The following RGS6 variants were observed in gnomAD, a reference collection of about 807,000 sequenced individuals.
RGS6 encodes the protein regulator of G-protein signaling 6.
In RGS6, 30 loss-of-function variants were observed where a neutral mutation model predicts 78.5. The observed-to-expected ratio is 0.38, with a 90% CI of 0.29 to 0.52. RGS6 has a LOEUF of 0.52. RGS6 is among the 20% of genes least tolerant of loss of function. The probability of loss-of-function intolerance (pLI) is 0.85; values close to 1 mark genes in which losing one functional copy is unlikely to be tolerated. For missense variants in RGS6, 495 were observed against 609.7 expected, an observed-to-expected ratio of 0.81 and a Z score of 1.98; for synonymous variants, 206 against 206.0, an observed-to-expected ratio of 1.00 and a Z score of 0.00.
At chr14:72,328,825 T>G (rs2074360746) in intron 2 of RGS6, among the ~76,000 whole-genome samples, 2 of 152,240 alleles carry the variant, frequency 1.3e-5, no homozygotes, top group African/African-American at 4.8e-5. Flanking sequence ...GAGAAAAATG[T>G]GAAATATATA....
chr14:72,048,508 G>A (rs994332231), intron 2 of RGS6, among the ~76,000 whole-genome samples: 2 of 152,026 alleles, frequency 1.3e-5, no homozygotes, highest in African/African-American at 4.8e-5. Flanking sequence ...GACTTTTCTG[G>A]GCTGATTTTC....
chr14:71,876,002 C>T, the RGS6 span, among the ~76,000 whole-genome samples: 1 of 152,186 alleles, frequency 6.6e-6, no homozygotes. Context: ...GCACTGTGGT[C>T]TGAGAGACAA....
At chr14:72,216,285 C>T (rs1208938204) in intron 2 of RGS6, among the ~76,000 whole-genome samples, 2 of 152,194 alleles carry the variant, frequency 1.3e-5, no homozygotes, top group Non-Finnish European at 2.9e-5. Flanking sequence ...TCTAGCCAAC[C>T]TTGCTGGATG....
At chr14:72,534,932 T>C (rs2097228466) in intron 15 of RGS6, among the ~76,000 whole-genome samples, 1 of 152,164 alleles carries the variant, frequency 6.6e-6, no homozygotes. Flanking sequence ...TGGGGGAAGA[T>C]GCTTCCTCCA....
At chr14:71,927,022 A>G in the RGS6 span, among the ~76,000 whole-genome samples, 1 of 152,312 alleles carries the variant, frequency 6.6e-6, no homozygotes, top group East Asian at 1.9e-4. Flanking sequence ...TTTTCAAGTC[A>G]TATTACATGT....
intron 2 of RGS6, among the ~76,000 whole-genome samples, chr14:72,153,308 C>T (rs1456027005): frequency 6.6e-6 from 1 of 152,152 alleles, no homozygotes; most frequent in African/African-American, 2.4e-5. Flanking sequence ...ATCTGGTGAC[C>T]ACAGAGTTTA....
chr14:71,874,418 T>C, the RGS6 span, among the ~76,000 whole-genome samples: 1 of 152,084 alleles, frequency 6.6e-6, no homozygotes, highest in Non-Finnish European at 1.5e-5. Context: ...TGAATGGGAG[T>C]TCACTCATGA....
chr14:72,483,762 TAGACCA>T (rs1339151444), intron 12 of RGS6, among the ~76,000 whole-genome samples: 2 of 152,050 alleles, frequency 1.3e-5, no homozygotes, highest in African/African-American at 4.8e-5. Flanking sequence ...TGACTGTATC[TAGACCA>T]AGATATGGAA....
intron 2 of RGS6, among the ~76,000 whole-genome samples, chr14:72,152,241 AGAGAGTGTGT>A (rs1567322686): frequency 1.7e-5 from 2 of 118,770 alleles, no homozygotes; most frequent in African/African-American, 2.8e-5. Context: ...AGAGAGAGAG[AGAGAGTGTGT>A]GTGTGTGTGT....
At chr14:72,416,908 G>A (rs1400293417) in intron 3 of RGS6, among the ~76,000 whole-genome samples, 1 of 152,150 alleles carries the variant, frequency 6.6e-6, no homozygotes, top group Non-Finnish European at 1.5e-5. Flanking sequence ...CTATAACCAT[G>A]GCATGAGGAT....
intron 2 of RGS6, among the ~76,000 whole-genome samples, chr14:71,985,582 T>C (rs2094674917): frequency 6.6e-6 from 1 of 152,224 alleles, no homozygotes; most frequent in Non-Finnish European, 1.5e-5. Flanking sequence ...AAGGTCAATA[T>C]TGATTTTGGC....
rs565668591 is a variant in RGS6 at position 71,984,368 on chromosome 14, G to C, written c.84+19493G>C. 2.7e-5 allele frequency among the ~76,000 whole-genome samples: 4 copies of C among 150,840 alleles called. No homozygotes were observed. In the South Asian group the frequency reaches 8.4e-4, roughly 32 times the overall value. Reference sequence around the variant, plus strand: ...CATAAGAGAGTTAGTGTGAGAGCTGGGTGTGGTGGCTTGCATCTGTAGTCC... The same window carrying C: ...CATAAGAGAGTTAGTGTGAGAGCTGCGTGTGGTGGCTTGCATCTGTAGTCC... On this transcript the variant is annotated intron_variant, in intron 2 of 17. Coordinates refer to ENST00000553525, the MANE Select transcript of RGS6 (RefSeq NM_001204424.2).
intron 2 of RGS6, among the ~76,000 whole-genome samples, chr14:72,093,814 T>G (rs1163442719): frequency 6.6e-6 from 1 of 152,100 alleles, no homozygotes; most frequent in African/African-American, 2.4e-5. Context: ...AGAGGAATTT[T>G]GGGGTTTCAA....
intron 3 of RGS6, among the ~76,000 whole-genome samples, chr14:72,371,481 G>A (rs1249592281): frequency 6.6e-6 from 1 of 152,136 alleles, no homozygotes; most frequent in African/African-American, 2.4e-5. Flanking sequence ...AAAATTCTGG[G>A]CCGGGCATGG....
At chr14:72,626,925 CTT>C in the RGS6 span, among the ~76,000 whole-genome samples, 13 of 139,678 alleles carry the variant, frequency 9.3e-5, no homozygotes, top group Non-Finnish European at 6.3e-5. Context: ...TGCATTTGAA[CTT>C]TTTTTTTTTT....
At chr14:71,903,156 G>C in the RGS6 span, among the ~76,000 whole-genome samples, 1 of 152,216 alleles carries the variant, frequency 6.6e-6, no homozygotes, top group Middle Eastern at 3.2e-3. Flanking sequence ...TAAAGGCAGT[G>C]CTCCCTTTAA....
chr14:72,364,595 A>C (rs954342540), intron 3 of RGS6, among the ~76,000 whole-genome samples: 1 of 152,224 alleles, frequency 6.6e-6, no homozygotes, highest in Non-Finnish European at 1.5e-5. Context: ...TCTCTTCTCT[A>C]TTGGGACCCC....
At chr14:72,282,079 C>A (rs1278301270) in intron 2 of RGS6, among the ~76,000 whole-genome samples, 1 of 152,068 alleles carries the variant, frequency 6.6e-6, no homozygotes, top group African/African-American at 2.4e-5. Flanking sequence ...TTCATGGATG[C>A]CAGACTTGAA....
rs140881989 is a variant in RGS6 at position 72,224,831 on chromosome 14, C to T, written c.85-127264C>T. Reference sequence around the variant, plus strand: ...GCCTAAACCACCCAGCCTGCTGCTTCACAAAGTCAAGTAGCTCCACCTATG... The same window carrying T: ...GCCTAAACCACCCAGCCTGCTGCTTTACAAAGTCAAGTAGCTCCACCTATG... On this transcript the variant is annotated intron_variant, in intron 2 of 17. Transcript: ENST00000553525. Among the ~76,000 whole-genome samples, 918 of 152,148 alleles carry T rather than the reference C, an allele frequency of 6.0e-3. 5 individuals carry two copies. The highest frequency in any genetic ancestry group is 0.011 in the Non-Finnish European group (757 of 68,012).
Sources: gnomAD v4.1 joint callset for allele counts (sites outside exome capture counted in the v4.1 genomes callset) on GRCh38, gnomAD v4.1.1 for gene constraint, MANE v1.5 for transcripts, NCBI Gene and HGNC (gene_info 2026-07-23, HGNC 2026-07-21) for gene names.